MAML2: variants seen among roughly 807,000 people sequenced by gnomAD.
MAML2 encodes mastermind-like protein 2.
In MAML2, 22 loss-of-function variants were observed where a neutral mutation model predicts 96.1. That is an observed-to-expected ratio of 0.23 (90% CI 0.16 to 0.33). The LOEUF (loss-of-function observed/expected upper bound fraction) is 0.33, where lower values mean the gene tolerates loss of function less well. Among genes scored for constraint, MAML2 ranks in the 10% least tolerant of loss-of-function variants. The pLI, the probability that MAML2 is intolerant of heterozygous loss-of-function variation, is 1.00. For missense variants in MAML2, 1,367 were observed against 1,392.4 expected, an observed-to-expected ratio of 0.98 and a Z score of 0.29; for synonymous variants, 561 against 521.3, an observed-to-expected ratio of 1.08 and a Z score of -1.04.
intron 2 of MAML2, among the ~76,000 whole-genome samples, chr11:96,072,064 T>A (rs773442039): frequency 3.3e-4 from 51 of 152,242 alleles, no homozygotes; most frequent in Non-Finnish European, 6.9e-4. Flanking sequence ...TGTAGAAATG[T>A]ACTTAATTAG....
At chr11:96,024,149 A>G (rs1342218129) in intron 2 of MAML2, among the ~76,000 whole-genome samples, 1 of 152,248 alleles carries the variant, frequency 6.6e-6, no homozygotes, top group Non-Finnish European at 1.5e-5. Context: ...ATTTTTTAAT[A>G]GATGATTAAA....
At chr11:96,208,052 G>T (rs1266530965) in intron 1 of MAML2, among the ~76,000 whole-genome samples, 1 of 152,098 alleles carries the variant, frequency 6.6e-6, no homozygotes, top group African/African-American at 2.4e-5. Flanking sequence ...ACTCTTCTTA[G>T]CAACAGGCCA....
chr11:96,042,757 T>TTTC (rs771178023), intron 2 of MAML2, among the ~76,000 whole-genome samples: 49 of 150,088 alleles, frequency 3.3e-4, no homozygotes, highest in Non-Finnish European at 6.7e-4. Context: ...TTTTTTTTTT[T>TTTC]TTTTTGCGAC....
intron 2 of MAML2, among the ~76,000 whole-genome samples, chr11:96,015,649 A>T (rs905988743): frequency 1.3e-5 from 2 of 151,000 alleles, no homozygotes; most frequent in African/African-American, 2.4e-5. Context: ...TGTGTAGAAG[A>T]TCCTTTATGC....
intron 1 of MAML2, among the ~76,000 whole-genome samples, chr11:96,305,210 G>A (rs1863447567): frequency 6.6e-6 from 1 of 152,128 alleles, no homozygotes; most frequent in South Asian, 2.1e-4. Context: ...GGAGAGGGAA[G>A]GATAAACAGG....
chr11:96,184,552 C>T (rs1861543175), intron 1 of MAML2, among the ~76,000 whole-genome samples: 1 of 151,560 alleles, frequency 6.6e-6, no homozygotes, highest in Non-Finnish European at 1.5e-5. Flanking sequence ...TATTCAAATT[C>T]CAAATGGAAT....
At chr11:96,126,009 C>T (rs927113005) in intron 1 of MAML2, among the ~76,000 whole-genome samples, 3 of 152,200 alleles carry the variant, frequency 2.0e-5, no homozygotes, top group Admixed American at 6.5e-5. Context: ...AGAACAAGAA[C>T]TCAGACTTCA....
At position 96,092,417 on chromosome 11, in the gene MAML2, A is replaced by G; in HGVS notation, c.1614T>C (p.Ser538=). Residue 538 remains serine (S), a synonymous_variant, in exon 2 of 5, where the codon AGT becomes AGC. Transcript: ENST00000524717. The surrounding 1 kb of genome is among the most constrained non-coding windows in gnomAD (Gnocchi z 4.1). The part of the protein sequence containing the change: ...VLMQQKPQDL[S]RSFINNPHPA... ...GGTGCGGGTTGTTAATAAAACTTCG[A>G]CTGAGATCCTGAGGCTTTTGCTGCA... is the stretch of plus-strand genomic sequence containing the variant. 5.6e-6 allele frequency: 9 copies of G among 1,613,856 alleles called. No homozygotes were observed. Among genetic ancestry groups the G allele is most frequent in the Non-Finnish European group, 7.6e-6 (9 of 1,179,850 alleles).
intron 1 of MAML2, among the ~76,000 whole-genome samples, chr11:96,205,214 GT>G (rs1034035630): frequency 2.6e-5 from 4 of 152,130 alleles, no homozygotes; most frequent in African/African-American, 9.7e-5. Flanking sequence ...GCCATTCCTT[GT>G]TTTGTTAGTA....
intron 1 of MAML2, among the ~76,000 whole-genome samples, chr11:96,315,596 A>C (rs540226250): frequency 4.6e-5 from 7 of 152,302 alleles, no homozygotes; most frequent in Admixed American, 2.0e-4. Flanking sequence ...CTCTGGATTC[A>C]AAGGGTTCTA....
intron 2 of MAML2, among the ~76,000 whole-genome samples, chr11:96,026,123 C>A (rs1230749922): frequency 6.6e-6 from 1 of 152,182 alleles, no homozygotes; most frequent in South Asian, 2.1e-4. Flanking sequence ...AGACTGCAAA[C>A]AAGTAATTAA....
intron 1 of MAML2, among the ~76,000 whole-genome samples, chr11:96,231,517 C>A (rs1862293283): frequency 6.6e-6 from 1 of 152,022 alleles, no homozygotes; most frequent in Admixed American, 6.5e-5. Flanking sequence ...TGAGATGCAC[C>A]CTGAGGACTT....
chr11:96,008,713 G>A (rs1007270860), intron 2 of MAML2, among the ~76,000 whole-genome samples: 10 of 152,150 alleles, frequency 6.6e-5, no homozygotes, highest in African/African-American at 2.4e-4. Flanking sequence ...TGAGTATCAT[G>A]GAAATTTAAA....
At position 96,034,456 on chromosome 11, in the gene MAML2, A is replaced by AGAGTGTGTGT. The variant is rs766634690; in HGVS notation, c.2140-42734_2140-42733insACACACACTC. On this transcript the variant is annotated intron_variant, in intron 2 of 4. Coordinates refer to ENST00000524717, the MANE Select transcript of MAML2 (RefSeq NM_032427.4). ...GTGAGAGAGAGAGAGAGAGAGAGAG[A>AGAGTGTGTGT]GTGTGTGTGTGTGTGTGTGTCAGAG... Among the ~76,000 whole-genome samples, 1,143 of 144,746 alleles carry AGAGTGTGTGT rather than the reference A, an allele frequency of 7.9e-3. 21 individuals carry two copies. The highest frequency in any genetic ancestry group is 0.033 in the East Asian group (162 of 4,850). 95.0% of individuals were successfully genotyped at this position (144,746 alleles called of 152,430 possible).
chr11:96,092,521 T>C lies in MAML2; in HGVS notation c.1510A>G (p.Ser504Gly). 6.3e-7 allele frequency: 1 copy of C among 1,595,830 alleles called. No homozygotes were observed. The highest frequency in any genetic ancestry group is 8.6e-7 in the Non-Finnish European group (1 of 1,168,732). Residue 504 changes from serine to glycine, a missense_variant, in exon 2 of 5, where the codon AGC (serine) becomes GGC (glycine). Transcript: ENST00000524717. This position sits in a 1 kb window ranked among gnomAD's most constrained non-coding sequence, Gnocchi z 4.1. Reference sequence around the variant, plus strand: ...TTAGCCATTACTTTCGACTGGCCGCTGCCGCCAGCTACCCCAGGCATGGGG... The same window carrying C: ...TTAGCCATTACTTTCGACTGGCCGCCGCCGCCAGCTACCCCAGGCATGGGG... ...SSPMPGVAGG[S>G]GQSKVMANYM...
chr11:96,148,891 G>A (rs1448429347), intron 1 of MAML2, among the ~76,000 whole-genome samples: 2 of 152,204 alleles, frequency 1.3e-5, no homozygotes, highest in Admixed American at 6.5e-5. Flanking sequence ...TTCTGCCCAG[G>A]CAGGAAGCTA....
intron 1 of MAML2, among the ~76,000 whole-genome samples, chr11:96,211,843 A>G (rs1861977020): frequency 6.6e-6 from 1 of 152,160 alleles, no homozygotes; most frequent in African/African-American, 2.4e-5. Context: ...GATAAAATTC[A>G]GTTTTGAAAG....
At chr11:96,336,172 A>G (rs1383481128) in intron 1 of MAML2, among the ~76,000 whole-genome samples, 2 of 152,186 alleles carry the variant, frequency 1.3e-5, no homozygotes, top group Non-Finnish European at 2.9e-5. Context: ...AACATGGTCT[A>G]ACTATAAAAT....
At chr11:96,254,584 C>A (rs1286720180) in intron 1 of MAML2, among the ~76,000 whole-genome samples, 62 of 149,804 alleles carry the variant, frequency 4.1e-4, no homozygotes, top group African/African-American at 1.5e-3. Context: ...ATTCTAAAAA[C>A]AAAACAAAAC....
Sources: gnomAD v4.1 joint callset for allele counts (sites outside exome capture counted in the v4.1 genomes callset) on GRCh38, gnomAD v4.1.1 for gene constraint, Gnocchi (gnomAD v3.1) non-coding constraint, MANE v1.5 for transcripts, NCBI Gene and HGNC (gene_info 2026-07-23, HGNC 2026-07-21) for gene names.